TENM4: variants seen among roughly 807,000 people sequenced by gnomAD.
The protein encoded by TENM4 is teneurin-4.
In TENM4, 82 loss-of-function variants were observed where a neutral mutation model predicts 243.3. The ratio of observed to expected loss-of-function variants is 0.34; its 90% confidence interval spans 0.28 to 0.40. The LOEUF is 0.40. Among genes scored for constraint, TENM4 ranks in the 10% least tolerant of loss-of-function variants. The pLI is 1.00. For missense variants in TENM4, 3,138 were observed against 3,673.3 expected, an observed-to-expected ratio of 0.85 and a Z score of 3.77; for synonymous variants, 1,412 against 1,456.3, an observed-to-expected ratio of 0.97 and a Z score of 0.69.
chr11:78,994,475 T>G (rs1426352300), intron 6 of TENM4, among the ~76,000 whole-genome samples: 2 of 152,234 alleles, frequency 1.3e-5, no homozygotes, highest in Admixed American at 6.5e-5. Context: ...CTTGGGAGTT[T>G]TATAAAGTTC....
intron 32 of TENM4, among the ~76,000 whole-genome samples, chr11:78,663,358 C>G (rs1290553963): frequency 6.6e-6 from 1 of 152,126 alleles, no homozygotes; most frequent in Non-Finnish European, 1.5e-5. Flanking sequence ...ATATTTGTCC[C>G]CTCCAAATCT....
intron 4 of TENM4, among the ~76,000 whole-genome samples, chr11:79,135,488 TC>T (rs1385247336): frequency 1.3e-5 from 2 of 152,050 alleles, no homozygotes; most frequent in Admixed American, 1.3e-4. Flanking sequence ...GACCAATGAA[TC>T]CCACTAGTGG....
At chr11:79,178,756 C>G (rs984299999) in intron 3 of TENM4, among the ~76,000 whole-genome samples, 15 of 152,202 alleles carry the variant, frequency 9.9e-5, no homozygotes, top group African/African-American at 3.4e-4. Flanking sequence ...CACCCACCCA[C>G]AGGGTCCAGC....
chr11:79,194,126 T>G (rs1433133614), intron 3 of TENM4, among the ~76,000 whole-genome samples: 1 of 152,050 alleles, frequency 6.6e-6, no homozygotes, highest in Non-Finnish European at 1.5e-5. Flanking sequence ...TTGCTTTTAC[T>G]TCTTCATTTT....
chr11:79,030,735 C>A (rs934495244), intron 6 of TENM4, among the ~76,000 whole-genome samples: 1 of 152,158 alleles, frequency 6.6e-6, no homozygotes, highest in Non-Finnish European at 1.5e-5. Flanking sequence ...CCCAGCCCAG[C>A]CGACTCCTGT....
intron 15 of TENM4, among the ~76,000 whole-genome samples, chr11:78,801,649 T>A (rs1857284831): frequency 6.6e-6 from 1 of 152,188 alleles, no homozygotes; most frequent in African/African-American, 2.4e-5. Context: ...CTGTTCTTGG[T>A]GCCAAACAGC....
chr11:79,271,834 A>C (rs1050544729), intron 2 of TENM4, among the ~76,000 whole-genome samples: 1 of 152,108 alleles, frequency 6.6e-6, no homozygotes, highest in Non-Finnish European at 1.5e-5. Context: ...TTTGTTCCTT[A>C]AGTGACCAAA....
intron 3 of TENM4, among the ~76,000 whole-genome samples, chr11:79,212,894 G>A (rs952693706): frequency 1.3e-5 from 2 of 152,168 alleles, no homozygotes; most frequent in African/African-American, 2.4e-5. Context: ...CGAGGGAGAC[G>A]GGAACTCACA....
At position 78,805,486 on chromosome 11, in the gene TENM4, C is replaced by T. The variant is rs1460398111; in HGVS notation, c.1985G>A (p.Cys662Tyr). The T allele has an allele frequency of 1.9e-6, 3 of 1,576,972 alleles. No homozygotes were observed. Among genetic ancestry groups the T allele is most frequent in the African/African-American group, 1.3e-5 (1 of 74,174 alleles). ...CCGGCCTGAACATGTGGGGTCCATGCAGTCCACTGTGAGATGGAGGAAGGA... is the reference window on the plus strand; with the variant it reads ...CCGGCCTGAACATGTGGGGTCCATGTAGTCCACTGTGAGATGGAGGAAGGA... ...YKGESCEEVD[C>Y]MDPTCSGRGV... The change falls in exon 15 of 34, where the codon TGC becomes TAC. Residue 662 changes from cysteine (C) to tyrosine (Y), a missense_variant. By Grantham distance (194) the Cys-to-Tyr change is radical (BLOSUM62 -2). Around this residue, in one of 2 missense-constraint regions of TENM4, gnomAD observed 2,467 missense variants for 3,059.1 expected, o/e 0.81. Coordinates refer to ENST00000278550, the MANE Select transcript of TENM4 (RefSeq NM_001098816.3).
chr11:79,404,023 C>G (rs1453529317), intron 1 of TENM4, among the ~76,000 whole-genome samples: 1 of 152,186 alleles, frequency 6.6e-6, no homozygotes, highest in Non-Finnish European at 1.5e-5. Context: ...ACTTCACTGG[C>G]TCAGAGCCAC....
chr11:78,738,228 A>C (rs528748698), intron 20 of TENM4, among the ~76,000 whole-genome samples: 2 of 152,350 alleles, frequency 1.3e-5, no homozygotes, highest in South Asian at 4.2e-4. Flanking sequence ...CCTTACTCTG[A>C]GAACCAAATG....
Position 78,732,480 on chromosome 11 carries a change from G to A in TENM4, c.2974C>T (p.Arg992Cys), listed in dbSNP as rs752878204. 10 of 1,613,578 alleles carry A rather than the reference G, an allele frequency of 6.2e-6. No homozygotes were observed. Among genetic ancestry groups the A allele is most frequent in the African/African-American group, 5.3e-5 (4 of 74,890 alleles). ...QEHTLWLPWD[R>C]FFVMETIIMR... is the part of the protein sequence containing the mutation. ...ATGATGGTTTCCATGACAAAGAAGC[G>A]ATCCCATGGCAGCCACAGGGTGTGC... The change falls in exon 21 of 34, where the codon CGC (arginine) becomes TGC (cysteine). Residue 992 changes from arginine to cysteine, a missense_variant. Physicochemically the swap from Arg to Cys is radical, Grantham distance 180 (BLOSUM62 -3). Transcript: ENST00000278550.
At chr11:79,136,001 A>C (rs368672652) in intron 4 of TENM4, among the ~76,000 whole-genome samples, 1 of 151,894 alleles carries the variant, frequency 6.6e-6, no homozygotes, top group Non-Finnish European at 1.5e-5. Context: ...ATTCAAAGGC[A>C]TAACAATGAT....
chr11:79,226,271 C>T (rs189478871), intron 2 of TENM4, among the ~76,000 whole-genome samples: 1 of 152,198 alleles, frequency 6.6e-6, no homozygotes, highest in African/African-American at 2.4e-5. Context: ...AACTTAGGAA[C>T]CCTTTGTTTC....
rs138478386 is a variant in TENM4 at position 79,045,701 on chromosome 11, A to G, written c.493+19037T>C. Among the ~76,000 whole-genome samples the G allele has an allele frequency of 1.3e-3, 200 of 150,088 alleles. 2 individuals are homozygous for G. Among genetic ancestry groups the G allele is most frequent in the Admixed American group, 0.011 (161 of 14,954 alleles). On this transcript the variant is annotated intron_variant, in intron 6 of 33. Coordinates refer to ENST00000278550, the MANE Select transcript of TENM4 (RefSeq NM_001098816.3). The stretch of plus-strand genomic sequence containing the variant: ...CTTCTCTGGGACCTGTTCCTAATTA[A>G]CAACCACTAACTGGATGACGCCTTT...
chr11:78,689,190 T>C (rs1233339536), intron 28 of TENM4, among the ~76,000 whole-genome samples: 1 of 152,172 alleles, frequency 6.6e-6, no homozygotes, highest in Non-Finnish European at 1.5e-5. Context: ...CAAACTCAGA[T>C]CTATTTGCTT....
rs796324255 is a variant in TENM4 at position 79,293,874 on chromosome 11, T to C, written c.-265+3614A>G. On this transcript the variant is annotated intron_variant, in intron 2 of 33. Coordinates refer to ENST00000278550, the MANE Select transcript of TENM4 (RefSeq NM_001098816.3). ...CAAGAACCAGGCAGAATGTTCTAAA[T>C]AGGGCAGGCCCTCTAGGACCAAGGT... Among the ~76,000 whole-genome samples, 20 of 152,322 alleles carry C rather than the reference T, an allele frequency of 1.3e-4. 1 individual carries two copies. The highest frequency in any genetic ancestry group is 4.1e-4 in the South Asian group (2 of 4,824).
chr11:78,940,462 G>A (rs1856867069), intron 6 of TENM4, among the ~76,000 whole-genome samples: 1 of 152,212 alleles, frequency 6.6e-6, no homozygotes, highest in African/African-American at 2.4e-5. Flanking sequence ...TGGTCTAGAA[G>A]AGCAGAGGAC....
chr11:78,661,586 T>C lies in TENM4; in HGVS notation c.7414A>G (p.Asn2472Asp). The C allele has an allele frequency of 6.2e-7, 1 of 1,613,196 alleles. No individual in the cohort carries two copies. Among genetic ancestry groups the C allele is most frequent in the Non-Finnish European group, 8.5e-7 (1 of 1,179,666 alleles). The change falls in exon 33 of 34, where the codon AAC (asparagine) becomes GAC (aspartate). Residue 2472 changes from asparagine to aspartate, a missense_variant. By Grantham distance (23) the Asn-to-Asp change is conservative. Coordinates refer to ENST00000278550, the MANE Select transcript of TENM4 (RefSeq NM_001098816.3). ...AATCCAAAGGTGAGCAGCCAGCTGT[T>C]AACATCTGGATGGGAGGGAAGCAGA... ...QDIKCFMTDV[N>D]SWLLTFGFQL...
Sources: allele counts gnomAD v4.1 joint callset (sites outside exome capture counted in the v4.1 genomes callset), GRCh38; gene constraint gnomAD v4.1.1; regional missense constraint gnomAD v4.1.1; transcripts MANE v1.5; gene names NCBI Gene and HGNC (gene_info 2026-07-23, HGNC 2026-07-21).